Variants in ESPNL observed in about 807,000 individuals in gnomAD.
The protein encoded by ESPNL is espin-like protein.
In ESPNL, 49 loss-of-function variants were observed where a neutral mutation model predicts 46.8. The observed-to-expected ratio is 1.05, with a 90% CI of 0.83 to 1.33. ESPNL has a LOEUF of 1.33. Among genes scored for constraint, ESPNL ranks in the 40% most tolerant of loss-of-function variants. ESPNL has a pLI of 0.00. For missense variants in ESPNL, 1,540 were observed against 1,436.6 expected (o/e 1.07, Z -1.16); for synonymous variants, 664 against 662.1 (o/e 1.00, Z -0.04).
At chr2:238,130,054 G>C (rs1009203527) in intron 8 of ESPNL, 74 bp from the exon 9 acceptor site, 24 of 1,516,122 alleles carry the variant, frequency 1.6e-5, no homozygotes, top group Non-Finnish European at 2.1e-5. Flanking sequence ...TGAGAACTCA[G>C]GGACTTGGAA....
At chr2:238,122,471 G>A (rs72987194) in intron 5 of ESPNL, among the ~76,000 whole-genome samples, 382 of 152,300 alleles carry the variant, frequency 2.5e-3, no homozygotes, top group Non-Finnish European at 4.3e-3. Flanking sequence ...GTGGCGTCCC[G>A]GGCTTCTCGT....
rs145938804 is a variant in ESPNL at position 238,102,033 on chromosome 2, G to A, written c.387G>A (p.Ser129=). Residue 129 remains serine, a synonymous_variant, in exon 2 of 9, where the codon TCG becomes TCA. Transcript: ENST00000343063. The part of the protein sequence containing the change: ...LVEWLLHEGH[S]ATLETREGAR... ...AGTGGCTGCTCCACGAGGGCCACTCGGCCACGCTAGAGACCCGGGAGGGAG... is the reference window on the plus strand; with the variant it reads ...AGTGGCTGCTCCACGAGGGCCACTCAGCCACGCTAGAGACCCGGGAGGGAG... 45 of 1,605,314 alleles carry A rather than the reference G, an allele frequency of 2.8e-5. No homozygotes were observed. The highest frequency in any genetic ancestry group is 6.7e-5 in the Admixed American group (4 of 59,548).
chr2:238,103,514 C>T (rs1347613739), intron 2 of ESPNL, among the ~76,000 whole-genome samples: 1 of 152,170 alleles, frequency 6.6e-6, no homozygotes, highest in African/African-American at 2.4e-5. Context: ...GGTCCTGTAC[C>T]CCCGGCCTAG....
intron 8 of ESPNL, chr2:238,129,111 G>A (rs1692216951): frequency 7.1e-7 from 1 of 1,413,820 alleles, no homozygotes. Flanking sequence ...TGCTCTGGAG[G>A]CATGGGTCCC....
In ESPNL at chr2:238,125,288, C is replaced by A; in HGVS notation, c.1006C>A (p.Pro336Thr). The change falls in exon 6 of 9, where the codon CCC (proline) becomes ACC (threonine). Residue 336 changes from proline (P) to threonine (T), a missense_variant. Transcript: ENST00000343063. ...VAQPVPLLMT[P>T]PPPPFPPPPL... ...CCCACAGGTGCCCCTGCTGATGACG[C>A]CCCCACCACCACCGTTCCCCCCACC... 1.3e-6 allele frequency: 2 copies of A among 1,531,474 alleles called. No homozygotes were observed. Among genetic ancestry groups the A allele is most frequent in the South Asian group, 1.3e-5 (1 of 79,266 alleles). The allele number at this position is 1,531,474 out of a possible 1,614,324, so 94.9% of individuals were successfully genotyped here. A position where few individuals can be genotyped will look rare whatever the true frequency, so the allele number is the denominator to read the frequency against.
At chr2:238,118,692 G>T (rs1166171822) in intron 5 of ESPNL, among the ~76,000 whole-genome samples, 1 of 143,666 alleles carries the variant, frequency 7.0e-6, no homozygotes, top group African/African-American at 2.6e-5. Flanking sequence ...GATGGAGGAG[G>T]GTGGATAGAG....
At position 238,114,851 on chromosome 2, in the gene ESPNL, C is replaced by T. The variant is rs1205913236; in HGVS notation, c.856-2052C>T. Among the ~76,000 whole-genome samples, 2 of 152,222 alleles carry T rather than the reference C, an allele frequency of 1.3e-5. No individual in the cohort carries two copies. The highest frequency in any genetic ancestry group is 4.8e-5 in the African/African-American group (2 of 41,448). ...CGGCCACGCTATGGGTGGCAGCTTT[C>T]GCACCACGACCAGGGTTGCATATTT... On this transcript the variant is annotated intron_variant, in intron 4 of 8. Coordinates refer to ENST00000343063, the MANE Select transcript of ESPNL (RefSeq NM_194312.4). This position sits in a 1 kb window ranked among gnomAD's most constrained non-coding sequence, Gnocchi z 5.0.
rs1000093965 is a variant in ESPNL, at chr2:238,114,893, C to T, written c.856-2010C>T. 2.6e-5 allele frequency among the ~76,000 whole-genome samples: 4 copies of T among 152,206 alleles called. No homozygotes were observed. The highest frequency in any genetic ancestry group is 9.6e-5 in the African/African-American group (4 of 41,462). On this transcript the variant is annotated intron_variant, in intron 4 of 8. Transcript: ENST00000343063. The surrounding 1 kb of genome is among the most constrained non-coding windows in gnomAD (Gnocchi z 5.0). Reference sequence around the variant, plus strand: ...TGCATATTTGTGCCAGAGCCGGCGGCCCCCGGGCTGAGCTGCTTACTCTCT... The same window carrying T: ...TGCATATTTGTGCCAGAGCCGGCGGTCCCCGGGCTGAGCTGCTTACTCTCT...
rs1046479236 is a variant in ESPNL, at chr2:238,114,204, G to A, written c.856-2699G>A. Among the ~76,000 whole-genome samples the A allele has an allele frequency of 3.9e-5, 6 of 152,080 alleles. No homozygotes were observed. The highest frequency in any genetic ancestry group is 1.2e-4 in the African/African-American group (5 of 41,390). On this transcript the variant is annotated intron_variant, in intron 4 of 8. Coordinates refer to ENST00000343063, the MANE Select transcript of ESPNL (RefSeq NM_194312.4). The surrounding 1 kb of genome is among the most constrained non-coding windows in gnomAD (Gnocchi z 5.0). ...GACAATCCCAGCGGTGATGGGGTCC[G>A]TCACTCTGGGGGAGAGGTTCCCTTC...
At chr2:238,101,647 C>T (rs543232965) in intron 1 of ESPNL, among the ~76,000 whole-genome samples, 6 of 152,302 alleles carry the variant, frequency 3.9e-5, no homozygotes, top group Middle Eastern at 3.4e-3. Flanking sequence ...TGCGGGCACC[C>T]GACTGCGTGG....
At chr2:238,108,886 G>A (rs900827813) in intron 4 of ESPNL, among the ~76,000 whole-genome samples, 6 of 152,218 alleles carry the variant, frequency 3.9e-5, no homozygotes, top group Admixed American at 2.0e-4. Context: ...GGAAGGCACC[G>A]CATTCCCTGC....
intron 4 of ESPNL, among the ~76,000 whole-genome samples, chr2:238,115,830 G>A (rs900638986): frequency 8.5e-5 from 13 of 152,184 alleles, no homozygotes; most frequent in African/African-American, 3.1e-4. Flanking sequence ...CCGCCACCAC[G>A]CCTGGCTAAT....
intron 4 of ESPNL, among the ~76,000 whole-genome samples, chr2:238,115,417 T>G (rs1047542263): frequency 6.6e-6 from 1 of 152,204 alleles, no homozygotes; most frequent in African/African-American, 2.4e-5. Context: ...GTGTCCTTAC[T>G]TTACAGACAG....
At position 238,102,087 on chromosome 2, in the gene ESPNL, T is replaced by C; in HGVS notation, c.441T>C (p.Ser147=). 1 of 1,575,550 alleles carries C rather than the reference T, an allele frequency of 6.3e-7. No individual in the cohort carries two copies. The highest frequency in any genetic ancestry group is 1.2e-5 in the South Asian group (1 of 86,856). The change falls in exon 2 of 9, where the codon AGT becomes AGC. Residue 147 remains serine, a synonymous_variant. Transcript: ENST00000343063. The part of the protein sequence containing the change: ...GARPLHHAAV[S]GDLTCLKLLT... ...GGCCGCTGCACCACGCTGCCGTCAG[T>C]GGGGACCTGACCTGCCTCAAGCTCC...
rs374701717 is a variant in ESPNL at position 238,130,982 on chromosome 2, G to C, written c.2268G>C (p.Pro756=). ...ACTGGAGGAGATCGGCCTACACGCCGGCCCTCAAGACAGTGGCCTGCAGGA... is the reference window on the plus strand; with the variant it reads ...ACTGGAGGAGATCGGCCTACACGCCCGCCCTCAAGACAGTGGCCTGCAGGA... ...LSHWRRSAYT[P]ALKTVACRTL... Residue 756 remains proline, a synonymous_variant, in exon 9 of 9, where the codon CCG becomes CCC. Transcript: ENST00000343063. 3.2e-6 allele frequency: 5 copies of C among 1,548,118 alleles called. No individual in the cohort carries two copies. Among genetic ancestry groups the C allele is most frequent in the Non-Finnish European group, 3.5e-6 (4 of 1,147,060 alleles).
intron 7 of ESPNL, among the ~76,000 whole-genome samples, chr2:238,128,360 C>G (rs1270727850): frequency 6.6e-6 from 1 of 152,226 alleles, no homozygotes; most frequent in East Asian, 1.9e-4. Context: ...CAGGCTTTGT[C>G]TATGTAGCTG....
At position 238,104,795 on chromosome 2, in the gene ESPNL, C is replaced by A; in HGVS notation, c.625C>A (p.Leu209Met). The part of the protein sequence containing the change: ...HLRALDGMSA[L>M]HAAAARGHYS... The stretch of plus-strand genomic sequence containing the variant: ...TCGTGCTCTCGATGGCATGAGCGCC[C>A]TGCACGCTGCCGCCGCCCGTGGCCA... Residue 209 changes from leucine to methionine, a missense_variant, in exon 3 of 9, where the codon CTG becomes ATG. Leu to Met is a conservative substitution (Grantham distance 15, BLOSUM62 2). Coordinates refer to ENST00000343063, the MANE Select transcript of ESPNL (RefSeq NM_194312.4). 1.3e-6 allele frequency: 2 copies of A among 1,574,742 alleles called. No individual in the cohort carries two copies. The highest frequency in any genetic ancestry group is 8.6e-7 in the Non-Finnish European group (1 of 1,162,376).
At chr2:238,116,836 C>T in intron 4 of ESPNL, 67 bp from the exon 5 acceptor site, 3 of 1,570,764 alleles carry the variant, frequency 1.9e-6, no homozygotes, top group Non-Finnish European at 2.6e-6. Context: ...GCGGCCCGCA[C>T]AGGGCCAGTC....
rs1199927815 is a variant in ESPNL, at chr2:238,100,700, G to C, written c.281G>C (p.Gly94Ala). 3 of 1,420,982 alleles carry C rather than the reference G, an allele frequency of 2.1e-6. No individual in the cohort carries two copies. The highest frequency in any genetic ancestry group is 3.0e-5 in the Admixed American group (1 of 33,006). 88.0% of individuals were successfully genotyped at this position (1,420,982 alleles called of 1,614,324 possible). A position where few individuals can be genotyped will look rare whatever the true frequency, so the allele number is the denominator to read the frequency against. Residue 94 changes from glycine (G) to alanine (A), a missense_variant, in exon 1 of 9, where the codon GGC (glycine) becomes GCC (alanine). Physicochemically the swap from Gly to Ala is moderately conservative, Grantham distance 60. Transcript: ENST00000343063. ...CTGTGCTGGCTGGTCCGCGAGGGGG[G>C]CTGCGGTCTGCAGGTGAGCGGGGAT... ...AELCWLVREG[G>A]CGLQDQDASG... is the part of the protein sequence containing the mutation.
Sources: gnomAD v4.1 joint callset for allele counts (sites outside exome capture counted in the v4.1 genomes callset) on GRCh38, gnomAD v4.1.1 for gene constraint, Gnocchi (gnomAD v3.1) non-coding constraint, MANE v1.5 for transcripts, NCBI Gene and HGNC (gene_info 2026-07-23, HGNC 2026-07-21) for gene names.